NSF: variants seen among roughly 807,000 people sequenced by gnomAD.
The protein encoded by NSF is N-ethylmaleimide sensitive factor, vesicle fusing ATPase, also known as vesicle-fusing ATPase.
In NSF, 14 loss-of-function variants were observed where a neutral mutation model predicts 50.3. The ratio of observed to expected loss-of-function variants is 0.28; its 90% CI spans 0.18 to 0.44. The LOEUF (loss-of-function observed/expected upper bound fraction) is 0.44. Among genes scored for constraint, NSF ranks in the 20% least tolerant of loss-of-function variants. The probability of loss-of-function intolerance (pLI) is 1.00; values close to 1 mark genes in which losing one functional copy is unlikely to be tolerated. For synonymous variants in NSF, 109 were observed against 175.7 expected, an observed-to-expected ratio of 0.62 and a Z score of 3.00; for missense variants, 218 against 504.3, an observed-to-expected ratio of 0.43 and a Z score of 5.44.
intron 19 of NSF, among the ~76,000 whole-genome samples, chr17:46,754,886 A>G (rs759589035): frequency 6.6e-6 from 1 of 152,200 alleles, no homozygotes; most frequent in African/African-American, 2.4e-5. Context: ...TTAATAAGCT[A>G]TTTTTTAGTT....
intron 16 of NSF, among the ~76,000 whole-genome samples, chr17:46,726,843 G>C (rs1298958698): frequency 6.6e-6 from 1 of 152,026 alleles, no homozygotes; most frequent in Non-Finnish European, 1.5e-5. Context: ...TTTCTTGTAA[G>C]GGCCCATGTC....
chr17:46,609,852 G>T (rs1247657177), intron 1 of NSF, among the ~76,000 whole-genome samples: 1 of 139,244 alleles, frequency 7.2e-6, no homozygotes, highest in Non-Finnish European at 1.6e-5. Flanking sequence ...TTGAGATAGG[G>T]TATCACTTTG....
chr17:46,738,020 A>C (rs886349253), intron 17 of NSF, among the ~76,000 whole-genome samples: 6 of 151,690 alleles, frequency 4.0e-5, no homozygotes, highest in Non-Finnish European at 7.4e-5. Context: ...TGCAGCCTTT[A>C]CCTCCTGGGC....
At chr17:46,715,356 C>T (rs186931257) in intron 15 of NSF, among the ~76,000 whole-genome samples, 53 of 152,126 alleles carry the variant, frequency 3.5e-4, no homozygotes, top group African/African-American at 1.3e-3. Context: ...TTTCGTTTTC[C>T]CTCTGATGGG....
At chr17:46,631,082 A>ATACACACACACACACACACACACG (rs2058132751) in intron 4 of NSF, among the ~76,000 whole-genome samples, 1 of 142,080 alleles carries the variant, frequency 7.0e-6, no homozygotes, top group African/African-American at 2.8e-5. Flanking sequence ...ACACACACAC[A>ATACACACACACACACACACACACG]CACACACACA....
intron 15 of NSF, chr17:46,721,960 C>A (rs1310380032): frequency 6.2e-6 from 10 of 1,603,946 alleles, no homozygotes; most frequent in Non-Finnish European, 8.5e-6. Flanking sequence ...GGAAAGATTT[C>A]AGTTGAGGAA....
intron 17 of NSF, among the ~76,000 whole-genome samples, chr17:46,731,754 A>G (rs945903375): frequency 6.6e-6 from 1 of 152,220 alleles, no homozygotes; most frequent in Non-Finnish European, 1.5e-5. Flanking sequence ...TCTGAAGGGA[A>G]TACCATCTGG....
intron 15 of NSF, chr17:46,722,250 T>G (rs1223862387): frequency 1.7e-6 from 2 of 1,144,210 alleles, no homozygotes; most frequent in Non-Finnish European, 1.3e-6. Context: ...CCTACATTCT[T>G]AAGATTAATT....
At chr17:46,743,036 G>A (rs993885756) in intron 17 of NSF, among the ~76,000 whole-genome samples, 1 of 152,090 alleles carries the variant, frequency 6.6e-6, no homozygotes, top group Admixed American at 6.5e-5. Flanking sequence ...GAGGCCCCAC[G>A]CTGCCATGAG....
At chr17:46,710,854 A>G (rs750134699) in intron 13 of NSF, 109 bp from the exon 14 acceptor site, 25 of 912,680 alleles carry the variant, frequency 2.7e-5, no homozygotes, top group Non-Finnish European at 4.0e-5. Flanking sequence ...TTATATTAAT[A>G]TGGGATAGTG....
chr17:46,747,470 A>G (rs1189192625), intron 17 of NSF, among the ~76,000 whole-genome samples: 1 of 152,026 alleles, frequency 6.6e-6, no homozygotes, highest in East Asian at 1.9e-4. Flanking sequence ...TGTTGAGATG[A>G]GGTTTCGCCA....
At position 46,601,902 on chromosome 17, in the gene NSF, G is replaced by C. The variant is rs1426223782; in HGVS notation, c.12+11115G>C. On this transcript the variant is annotated intron_variant, in intron 1 of 20. Coordinates refer to ENST00000398238, the MANE Select transcript of NSF (RefSeq NM_006178.4). Reference sequence around the variant, plus strand: ...TTAAAAAAAAAAAAAAAGACACTTTGGCCTGGCATGGTGGCTCACACCTGT... The same window carrying C: ...TTAAAAAAAAAAAAAAAGACACTTTCGCCTGGCATGGTGGCTCACACCTGT... Among the ~76,000 whole-genome samples, 5 of 147,298 alleles carry C rather than the reference G, an allele frequency of 3.4e-5. No homozygotes were observed. In the South Asian group the frequency reaches 6.4e-4, roughly 19 times the overall value.
chr17:46,709,752 C>T (rs1365645415), intron 13 of NSF, among the ~76,000 whole-genome samples: 1 of 152,168 alleles, frequency 6.6e-6, no homozygotes, highest in African/African-American at 2.4e-5. Context: ...GCCTCAGCCT[C>T]CCAAAGTGCT....
At chr17:46,755,212 G>A in intron 19 of NSF, 102 bp from the exon 20 acceptor site, 1 of 807,806 alleles carries the variant, frequency 1.2e-6, no homozygotes. Flanking sequence ...ACCTAGCAGA[G>A]CATTGATGAA....
chr17:46,719,207 A>G lies in NSF; in HGVS notation c.1761+5221A>G, dbSNP rs971803827. 6.6e-6 allele frequency among the ~76,000 whole-genome samples: 1 copy of G among 152,214 alleles called. No individual in the cohort carries two copies. Among genetic ancestry groups the G allele is most frequent in the Non-Finnish European group, 1.5e-5 (1 of 68,030 alleles). On this transcript the variant is annotated intron_variant, in intron 15 of 20. Transcript: ENST00000398238. The surrounding 1 kb of genome is among the most constrained non-coding windows in gnomAD (Gnocchi z 4.3). ...ATTTTTCAAAATGTTTTGCAATGAC[A>G]ATAGTCTGTGAAACTGAAAAATATG...
intron 17 of NSF, among the ~76,000 whole-genome samples, chr17:46,746,341 A>G (rs1228078930): frequency 1.3e-5 from 2 of 152,198 alleles, no homozygotes; most frequent in Non-Finnish European, 2.9e-5. Flanking sequence ...TTTGATCTGC[A>G]TTGGTTTATG....
chr17:46,748,189 T>G (rs1276721106), intron 17 of NSF, among the ~76,000 whole-genome samples: 1 of 152,134 alleles, frequency 6.6e-6, no homozygotes, highest in Non-Finnish European at 1.5e-5. Context: ...CTCGGCTCAC[T>G]GCAACTTCTG....
chr17:46,731,166 A>C, intron 17 of NSF, among the ~76,000 whole-genome samples: 1 of 152,218 alleles, frequency 6.6e-6, no homozygotes, highest in East Asian at 1.9e-4. Flanking sequence ...CAATAAAAAA[A>C]AGTAGTACCA....
chr17:46,710,859 A>G, intron 13 of NSF, 104 bp from the exon 14 acceptor site: 1 of 940,292 alleles, frequency 1.1e-6, no homozygotes, highest in South Asian at 1.9e-5. Flanking sequence ...TTAATATGGG[A>G]TAGTGATCAA....
Sources: allele counts gnomAD v4.1 joint callset (sites outside exome capture counted in the v4.1 genomes callset), GRCh38; gene constraint gnomAD v4.1.1; non-coding constraint Gnocchi (gnomAD v3.1); transcripts MANE v1.5; gene names NCBI Gene and HGNC (gene_info 2026-07-23, HGNC 2026-07-21).